The following CACNB4 variants were observed in gnomAD, a reference collection of about 807,000 sequenced individuals.
The protein encoded by CACNB4 is voltage-dependent L-type calcium channel subunit beta-4.
Under a neutral mutation model 71.2 loss-of-function variants are expected in CACNB4, and 32 were observed. The observed-to-expected ratio is 0.45, with a 90% CI of 0.34 to 0.60. The LOEUF is 0.60. Among genes scored for constraint, CACNB4 ranks in the 20% least tolerant of loss-of-function variants. The pLI is 0.01. For missense variants in CACNB4, 464 were observed against 647.9 expected (o/e 0.72, Z 3.08); for synonymous variants, 231 against 236.9 (o/e 0.97, Z 0.23).
At position 152,015,661 on chromosome 2, in the gene CACNB4, T is replaced by C. The variant is rs1358830746; in HGVS notation, c.147+82669A>G. On this transcript the variant is annotated intron_variant, in intron 2 of 13. Coordinates refer to ENST00000539935, the MANE Select transcript of CACNB4 (RefSeq NM_000726.5). ...GTCAGTAGTTGCTTCATTGCACTCT[T>C]CTCCCTTTGCCGGGCAGTGTTCCAG... Among the ~76,000 whole-genome samples the C allele has an allele frequency of 6.6e-5, 10 of 152,186 alleles. 1 individual carries two copies. Among genetic ancestry groups the C allele is most frequent in the South Asian group, 4.1e-4 (2 of 4,834 alleles).
intron 2 of CACNB4, among the ~76,000 whole-genome samples, chr2:152,042,989 C>A (rs113035233): frequency 2.9e-3 from 447 of 152,208 alleles, no homozygotes; most frequent in Middle Eastern, 0.021. Context: ...CATTAGCGTG[C>A]TAAAAGACAC....
chr2:151,914,013 G>A (rs185661685), intron 2 of CACNB4, among the ~76,000 whole-genome samples: 6 of 152,196 alleles, frequency 3.9e-5, no homozygotes, highest in Admixed American at 2.0e-4. Flanking sequence ...GAATTTGCAC[G>A]TTGGCCTGTC....
chr2:151,949,770 C>T (rs1346375850), intron 2 of CACNB4, among the ~76,000 whole-genome samples: 2 of 152,126 alleles, frequency 1.3e-5, no homozygotes, highest in African/African-American at 4.8e-5. Context: ...GTATTCTGGC[C>T]AGGTGCGGTA....
chr2:152,065,681 T>G (rs149786738), intron 2 of CACNB4, among the ~76,000 whole-genome samples: 1 of 152,308 alleles, frequency 6.6e-6, no homozygotes, highest in African/African-American at 2.4e-5. Context: ...CTCTCTCTTC[T>G]ACACTCTCCA....
chr2:151,934,691 G>T (rs2099862491), intron 2 of CACNB4, among the ~76,000 whole-genome samples: 1 of 152,096 alleles, frequency 6.6e-6, no homozygotes, highest in African/African-American at 2.4e-5. Context: ...ACACAAATTA[G>T]CTGGGCATGG....
At chr2:151,883,114 C>T in intron 3 of CACNB4, 137 bp downstream of exon 3, 1 of 833,910 alleles carries the variant, frequency 1.2e-6, no homozygotes, top group Non-Finnish European at 1.9e-6. Flanking sequence ...GTGAAAGGAT[C>T]AGAGAGCTTC....
At chr2:151,948,528 A>G (rs1018749383) in intron 2 of CACNB4, among the ~76,000 whole-genome samples, 1 of 151,980 alleles carries the variant, frequency 6.6e-6, no homozygotes, top group Non-Finnish European at 1.5e-5. Context: ...AGGCATAGTG[A>G]TGCATGCCTG....
At chr2:152,010,683 G>A (rs983457183) in intron 2 of CACNB4, among the ~76,000 whole-genome samples, 1 of 152,176 alleles carries the variant, frequency 6.6e-6, no homozygotes, top group Non-Finnish European at 1.5e-5. Context: ...CTAGCAAGTG[G>A]CAGAGCTGGA....
At chr2:151,841,716 T>C (rs1398350856) in intron 13 of CACNB4, 187 bp downstream of exon 13, 1 of 526,572 alleles carries the variant, frequency 1.9e-6, no homozygotes, top group Non-Finnish European at 3.3e-6. Context: ...TCTCAGGAAA[T>C]TGTCAGTCTC....
At chr2:151,950,551 C>T (rs921907815) in intron 2 of CACNB4, among the ~76,000 whole-genome samples, 2 of 152,122 alleles carry the variant, frequency 1.3e-5, no homozygotes, top group African/African-American at 2.4e-5. Flanking sequence ...TTCACAATCA[C>T]CAAAAGGTTG....
chr2:152,002,270 C>G (rs1009666882), intron 2 of CACNB4, among the ~76,000 whole-genome samples: 5 of 152,218 alleles, frequency 3.3e-5, no homozygotes, highest in Non-Finnish European at 7.3e-5. Flanking sequence ...TTGAAACACA[C>G]ACACACATAC....
chr2:151,862,635 C>T (rs571220371), intron 9 of CACNB4, among the ~76,000 whole-genome samples: 215 of 152,218 alleles, frequency 1.4e-3, no homozygotes, highest in Non-Finnish European at 1.3e-3. Context: ...TGCATTGGGG[C>T]TTTATATATG....
At chr2:152,030,753 C>T (rs1579164368) in intron 2 of CACNB4, among the ~76,000 whole-genome samples, 2 of 152,336 alleles carry the variant, frequency 1.3e-5, no homozygotes, top group South Asian at 4.1e-4. Context: ...CAGCTGCCTC[C>T]ATGTCCCTAC....
At position 151,846,441 on chromosome 2, in the gene CACNB4, T is replaced by A. The variant is rs766618124; in HGVS notation, c.1117-4353A>T. On this transcript the variant is annotated intron_variant, in intron 12 of 13. Transcript: ENST00000539935. ...ATCTCATTAAAACTAATGCATATTG[T>A]CTGTTTTTTTAAATCTAGGAAGCTA... 2.6e-5 allele frequency among the ~76,000 whole-genome samples: 4 copies of A among 152,224 alleles called. No individual in the cohort carries two copies. In the South Asian group the frequency reaches 8.3e-4, roughly 32 times the overall value.
chr2:151,958,459 G>A (rs1319800598), intron 2 of CACNB4, among the ~76,000 whole-genome samples: 5 of 152,066 alleles, frequency 3.3e-5, no homozygotes, highest in East Asian at 1.9e-4. Context: ...CCTTCAATCC[G>A]GGACCTGGCT....
intron 2 of CACNB4, among the ~76,000 whole-genome samples, chr2:152,080,585 GA>G (rs944702786): frequency 6.6e-6 from 1 of 152,138 alleles, no homozygotes; most frequent in African/African-American, 2.4e-5. Context: ...GTAGTTTCTA[GA>G]AAGTTCAGAC....
In CACNB4 at chr2:151,945,222, T is replaced by C. The variant is rs141906277; in HGVS notation, c.148-61852A>G. 3.5e-3 allele frequency among the ~76,000 whole-genome samples: 528 copies of C among 152,318 alleles called. 5 individuals carry two copies. The highest frequency in any genetic ancestry group is 0.012 in the African/African-American group (505 of 41,550). On this transcript the variant is annotated intron_variant, in intron 2 of 13. Coordinates refer to ENST00000539935, the MANE Select transcript of CACNB4 (RefSeq NM_000726.5). Reference sequence around the variant, plus strand: ...TGGGATAGTGGAAAATACTCAGGTTTTGAAGATAGTTTTATCCCAGGACTA... The same window carrying C: ...TGGGATAGTGGAAAATACTCAGGTTCTGAAGATAGTTTTATCCCAGGACTA...
rs77404167 is a variant in CACNB4 at position 151,907,767 on chromosome 2, G to A, written c.148-24397C>T. 2.0e-3 allele frequency among the ~76,000 whole-genome samples: 304 copies of A among 152,246 alleles called. 2 individuals carry two copies. Among genetic ancestry groups the A allele is most frequent in the South Asian group, 6.6e-3 (32 of 4,822 alleles). On this transcript the variant is annotated intron_variant, in intron 2 of 13. Transcript: ENST00000539935. Reference sequence around the variant, plus strand: ...TTCTCTGACATGTGATGGATAGGCCGGCCCTCCTTTCCTGGTCTCAGCCAG... The same window carrying A: ...TTCTCTGACATGTGATGGATAGGCCAGCCCTCCTTTCCTGGTCTCAGCCAG...
At chr2:152,080,987 C>A (rs144110472) in intron 2 of CACNB4, among the ~76,000 whole-genome samples, 4 of 152,240 alleles carry the variant, frequency 2.6e-5, no homozygotes, top group African/African-American at 4.8e-5. Context: ...GATGTGGGCA[C>A]CATGCTTCCT....
Sources: allele counts gnomAD v4.1 joint callset (sites outside exome capture counted in the v4.1 genomes callset), GRCh38; gene constraint gnomAD v4.1.1; transcripts MANE v1.5; gene names NCBI Gene and HGNC (gene_info 2026-07-23, HGNC 2026-07-21).